RNGTT: variants seen among roughly 807,000 people sequenced by gnomAD.
RNGTT encodes the protein mRNA-capping enzyme.
A neutral mutation model predicts 79.3 loss-of-function variants in RNGTT; 33 were observed. That is an observed-to-expected ratio of 0.42 (90% CI 0.32 to 0.56). The LOEUF is 0.56. Among genes scored for constraint, RNGTT ranks in the 20% least tolerant of loss-of-function variants. The pLI, the probability that RNGTT is intolerant of heterozygous loss-of-function variation, is 0.17. For missense variants in RNGTT, 497 were observed against 739.1 expected, an observed-to-expected ratio of 0.67 and a Z score of 3.80; for synonymous variants, 222 against 235.9, an observed-to-expected ratio of 0.94 and a Z score of 0.54.
intron 1 of RNGTT, among the ~76,000 whole-genome samples, chr6:88,954,226 C>T (rs1208053507): frequency 6.6e-6 from 1 of 152,166 alleles, no homozygotes; most frequent in East Asian, 1.9e-4. Flanking sequence ...CAAGTATCTG[C>T]TGCCTTCAAG....
intron 14 of RNGTT, among the ~76,000 whole-genome samples, chr6:88,631,440 G>A (rs181458398): frequency 6.6e-6 from 1 of 152,272 alleles, no homozygotes; most frequent in East Asian, 1.9e-4. Context: ...TGGTGAAAAG[G>A]TACCTGGAAG....
chr6:88,876,486 G>C (rs549474824), intron 8 of RNGTT, among the ~76,000 whole-genome samples: 1 of 152,216 alleles, frequency 6.6e-6, no homozygotes, highest in Non-Finnish European at 1.5e-5. Context: ...CTCCACTCCA[G>C]CCTAGGCAAA....
chr6:88,846,444 C>G (rs1781484982), intron 10 of RNGTT, among the ~76,000 whole-genome samples: 2 of 152,096 alleles, frequency 1.3e-5, no homozygotes. Context: ...CACACCTTAC[C>G]ATCCGTCAAG....
intron 13 of RNGTT, among the ~76,000 whole-genome samples, chr6:88,740,274 T>G (rs1257927867): frequency 6.6e-6 from 1 of 151,890 alleles, no homozygotes; most frequent in Non-Finnish European, 1.5e-5. Flanking sequence ...TCCTAGCACT[T>G]TGGGGGGGCC....
intron 13 of RNGTT, among the ~76,000 whole-genome samples, chr6:88,764,623 T>C (rs1778389377): frequency 6.6e-6 from 1 of 150,842 alleles, no homozygotes; most frequent in Non-Finnish European, 1.5e-5. Context: ...CATATTCTTA[T>C]TTGTTTGTAT....
At chr6:88,775,160 T>A (rs142311567) in intron 12 of RNGTT, among the ~76,000 whole-genome samples, 7 of 152,328 alleles carry the variant, frequency 4.6e-5, no homozygotes, top group African/African-American at 1.4e-4. Flanking sequence ...ATGTTTGATA[T>A]ACACAGTGAA....
chr6:88,820,687 A>T (rs1024953581), intron 11 of RNGTT, among the ~76,000 whole-genome samples: 3 of 152,182 alleles, frequency 2.0e-5, no homozygotes, highest in African/African-American at 7.2e-5. Flanking sequence ...TTCAAAATTT[A>T]AAATACAATA....
intron 14 of RNGTT, among the ~76,000 whole-genome samples, chr6:88,629,390 C>T (rs549585463): frequency 6.6e-6 from 1 of 152,236 alleles, no homozygotes; most frequent in South Asian, 2.1e-4. Context: ...AAAATACGTG[C>T]TATTATCTAA....
At chr6:88,923,261 A>T (rs1348146749) in intron 4 of RNGTT, among the ~76,000 whole-genome samples, 4 of 152,104 alleles carry the variant, frequency 2.6e-5, no homozygotes, top group Non-Finnish European at 5.9e-5. Context: ...TGTTGTTTCC[A>T]GGTTGTTTTT....
chr6:88,751,641 A>T (rs1164016555), intron 13 of RNGTT, among the ~76,000 whole-genome samples: 1 of 152,084 alleles, frequency 6.6e-6, no homozygotes, highest in Non-Finnish European at 1.5e-5. Context: ...TCTCATTGGT[A>T]AGAGGTTTCT....
intron 13 of RNGTT, among the ~76,000 whole-genome samples, chr6:88,734,660 T>C (rs372512017): frequency 2.0e-4 from 31 of 152,114 alleles, no homozygotes; most frequent in African/African-American, 7.2e-4. Flanking sequence ...CAAAAGAAGG[T>C]TGGAGTACAG....
chr6:88,669,969 G>A (rs1774567730), intron 14 of RNGTT, among the ~76,000 whole-genome samples: 1 of 152,214 alleles, frequency 6.6e-6, no homozygotes. Flanking sequence ...ATGGTTCCAA[G>A]CTGTCTTAGA....
chr6:88,812,374 C>G (rs1780167272), intron 11 of RNGTT, among the ~76,000 whole-genome samples: 2 of 152,204 alleles, frequency 1.3e-5, no homozygotes, highest in Admixed American at 6.5e-5. Flanking sequence ...AAAATCCCTT[C>G]ATAGATCCAC....
At chr6:88,928,249 A>C (rs1296443096) in intron 4 of RNGTT, among the ~76,000 whole-genome samples, 4 of 152,208 alleles carry the variant, frequency 2.6e-5, no homozygotes, top group African/African-American at 4.8e-5. Flanking sequence ...TTAAATTTAA[A>C]ACCAAACCTT....
intron 2 of RNGTT, among the ~76,000 whole-genome samples, chr6:88,933,898 G>C (rs552514040): frequency 6.6e-6 from 1 of 152,260 alleles, no homozygotes; most frequent in Admixed American, 6.5e-5. Flanking sequence ...TCTACTTTTA[G>C]TTTTCTGAGA....
intron 14 of RNGTT, among the ~76,000 whole-genome samples, chr6:88,645,780 C>A (rs1205305990): frequency 6.6e-6 from 1 of 152,170 alleles, no homozygotes; most frequent in Non-Finnish European, 1.5e-5. Context: ...ACAAATGGTG[C>A]TGGGAAAACT....
chr6:88,660,281 G>C (rs1774130658), intron 14 of RNGTT, among the ~76,000 whole-genome samples: 1 of 152,156 alleles, frequency 6.6e-6, no homozygotes, highest in Admixed American at 6.5e-5. Flanking sequence ...CTAGCATGAT[G>C]AATAGAACAG....
intron 8 of RNGTT, among the ~76,000 whole-genome samples, chr6:88,886,103 A>G (rs974109077): frequency 2.0e-5 from 3 of 152,182 alleles, no homozygotes; most frequent in Non-Finnish European, 4.4e-5. Context: ...CAGGAGATCG[A>G]GACCATCCTG....
chr6:88,626,945 C>T (rs1309707577), intron 14 of RNGTT, among the ~76,000 whole-genome samples: 1 of 151,956 alleles, frequency 6.6e-6, no homozygotes, highest in African/African-American at 2.4e-5. Context: ...GTACTAATAC[C>T]AAGCATGATG....
Sources: gnomAD v4.1 joint callset for allele counts (sites outside exome capture counted in the v4.1 genomes callset) on GRCh38, gnomAD v4.1.1 for gene constraint, MANE v1.5 for transcripts, NCBI Gene and HGNC (gene_info 2026-07-23, HGNC 2026-07-21) for gene names.